PID1: variants seen among roughly 807,000 people sequenced by gnomAD.
PID1 encodes the protein phosphotyrosine interaction domain containing 1, also known as PTB-containing, cubilin and LRP1-interacting protein.
A neutral mutation model predicts 19.1 loss-of-function variants in PID1; 10 were observed. The observed-to-expected ratio is 0.52, with a 90% CI of 0.32 to 0.89. PID1 has a LOEUF of 0.89. Ranked by LOEUF, PID1 falls within the 40% of genes least tolerant of loss-of-function variation. The pLI is 0.03. For missense variants in PID1, 248 were observed against 285.3 expected, an observed-to-expected ratio of 0.87 and a Z score of 0.94; for synonymous variants, 130 against 116.0, an observed-to-expected ratio of 1.12 and a Z score of -0.78.
intron 1 of PID1, among the ~76,000 whole-genome samples, chr2:229,192,766 G>T (rs1691288226): frequency 6.6e-6 from 1 of 152,034 alleles, no homozygotes; most frequent in South Asian, 2.1e-4. Flanking sequence ...TGACACAATG[G>T]CGTTCAATAA....
chr2:229,060,175 ATTAT>A (rs945814588), intron 2 of PID1, among the ~76,000 whole-genome samples: 1 of 152,090 alleles, frequency 6.6e-6, no homozygotes, highest in Admixed American at 6.6e-5. Context: ...TACACAGTGT[ATTAT>A]TTATTATAGT....
chr2:229,052,394 T>C (rs142817112), intron 2 of PID1, among the ~76,000 whole-genome samples: 2,439 of 152,272 alleles, frequency 0.016, 64 homozygotes, highest in African/African-American at 0.056. Context: ...AATTAAATAT[T>C]CTGTTTTAAA....
At chr2:229,184,266 G>A (rs200506891) in intron 1 of PID1, among the ~76,000 whole-genome samples, 213 of 332 alleles carry the variant, frequency 0.64, 103 homozygotes, top group African/African-American at 0.79. Context: ...TATCCCATAT[G>A]TATATATCCC....
chr2:229,080,299 A>T (rs369719826), intron 2 of PID1, among the ~76,000 whole-genome samples: 1 of 152,300 alleles, frequency 6.6e-6, no homozygotes, highest in African/African-American at 2.4e-5. Context: ...CTACCTTTGT[A>T]GCCTCATTTT....
chr2:229,107,622 T>C (rs1036626262), intron 2 of PID1, among the ~76,000 whole-genome samples: 7 of 151,704 alleles, frequency 4.6e-5, no homozygotes, highest in Non-Finnish European at 1.0e-4. Flanking sequence ...CAGACAACAA[T>C]ATGAGTTTTA....
intron 1 of PID1, among the ~76,000 whole-genome samples, chr2:229,215,951 T>C (rs1222640960): frequency 6.6e-6 from 1 of 152,196 alleles, no homozygotes; most frequent in Non-Finnish European, 1.5e-5. Context: ...CAAAATCGTT[T>C]GTGAGACAGC....
intron 2 of PID1, among the ~76,000 whole-genome samples, chr2:229,119,701 G>A (rs1695479694): frequency 6.6e-6 from 1 of 152,226 alleles, no homozygotes; most frequent in South Asian, 2.1e-4. Flanking sequence ...AGTTGACTAA[G>A]CAGCAGGCTG....
Position 229,218,007 on chromosome 2 carries a change from A to T in PID1, c.30+53007T>A, listed in dbSNP as rs147242176. 4.4e-3 allele frequency among the ~76,000 whole-genome samples: 667 copies of T among 152,106 alleles called. 4 individuals carry two copies. Among genetic ancestry groups the T allele is most frequent in the African/African-American group, 0.016 (646 of 41,508 alleles). On this transcript the variant is annotated intron_variant, in intron 1 of 2. Coordinates refer to ENST00000392055, the MANE Select transcript of PID1 (RefSeq NM_001100818.2). ...CTGATGGGAATCCTCCCCAAGCCTAACTCCAGACAACTGAGTGTTTCCTCG... is the reference window on the plus strand; with the variant it reads ...CTGATGGGAATCCTCCCCAAGCCTATCTCCAGACAACTGAGTGTTTCCTCG...
At chr2:229,232,218 T>A in intron 1 of PID1, 1 of 1,112,948 alleles carries the variant, frequency 9.0e-7, no homozygotes, top group Non-Finnish European at 1.2e-6. Flanking sequence ...AGTCAGGAGA[T>A]CAAGACCATC....
At chr2:229,150,453 C>T (rs1376395954) in intron 2 of PID1, among the ~76,000 whole-genome samples, 2 of 152,062 alleles carry the variant, frequency 1.3e-5, no homozygotes, top group African/African-American at 4.8e-5. Context: ...CTCTCCCAAT[C>T]AAGGCAGACA....
At chr2:229,132,044 T>A (rs1374126736) in intron 2 of PID1, among the ~76,000 whole-genome samples, 1 of 152,172 alleles carries the variant, frequency 6.6e-6, no homozygotes, top group Non-Finnish European at 1.5e-5. Context: ...AATATTCACT[T>A]CTTTGTTTCC....
At chr2:229,169,689 G>A (rs2106208521) in intron 1 of PID1, among the ~76,000 whole-genome samples, 1 of 152,152 alleles carries the variant, frequency 6.6e-6, no homozygotes, top group Admixed American at 6.5e-5. Flanking sequence ...TGACTATCTG[G>A]TTGTGGTCAG....
At chr2:229,045,827 C>A (rs1027840592) in intron 2 of PID1, among the ~76,000 whole-genome samples, 1 of 152,238 alleles carries the variant, frequency 6.6e-6, no homozygotes, top group Non-Finnish European at 1.5e-5. Flanking sequence ...ACTCCCACAG[C>A]CTTCTCTGTC....
At chr2:229,116,696 A>G (rs1409024672) in intron 2 of PID1, among the ~76,000 whole-genome samples, 1 of 152,170 alleles carries the variant, frequency 6.6e-6, no homozygotes, top group Non-Finnish European at 1.5e-5. Context: ...AGGCCTCCCC[A>G]ACCATGCAGA....
rs746976329 is a variant in PID1, at chr2:229,025,832, T to C, written c.454A>G (p.Arg152Gly). ...VSPNIFAWVY[R>G]EINDDLSYQM... ...TAGGACAGGTCATCATTGATCTCCC[T>C]GTAGACCCAGGCGAAGATGTTGGGG... The change falls in exon 3 of 3, where the codon AGG (arginine) becomes GGG (glycine). Residue 152 changes from arginine to glycine, a missense_variant. By Grantham distance (125) the Arg-to-Gly change is moderately radical. Transcript: ENST00000392055. 6.2e-7 allele frequency: 1 copy of C among 1,614,176 alleles called. No homozygotes were observed. Among genetic ancestry groups the C allele is most frequent in the South Asian group, 1.1e-5 (1 of 91,092 alleles).
rs79216133 is a variant in PID1 at position 229,090,748 on chromosome 2, G to A, written c.178-64640C>T. On this transcript the variant is annotated intron_variant, in intron 2 of 2. Transcript: ENST00000392055. ...AGAAATGAGAGAAAAATACATGGAT[G>A]AGTCATCATCATTCATTCATTCACG... Among the ~76,000 whole-genome samples the A allele has an allele frequency of 4.7e-4, 72 of 152,338 alleles. 1 individual carries two copies. The East Asian group carries it at 9.1e-3, about 19-fold the overall frequency.
intron 1 of PID1, among the ~76,000 whole-genome samples, chr2:229,251,118 A>G (rs1690138860): frequency 6.6e-6 from 1 of 152,162 alleles, no homozygotes; most frequent in Non-Finnish European, 1.5e-5. Context: ...TACATCCAAA[A>G]TGTTGCCGAC....
chr2:229,040,245 C>A (rs891112714), intron 2 of PID1, among the ~76,000 whole-genome samples: 3 of 151,722 alleles, frequency 2.0e-5, no homozygotes, highest in African/African-American at 7.3e-5. Flanking sequence ...ATGGTGAAAG[C>A]CCATCTCTAC....
At chr2:229,148,676 AAAG>A (rs1690185432) in intron 2 of PID1, among the ~76,000 whole-genome samples, 1 of 152,020 alleles carries the variant, frequency 6.6e-6, no homozygotes, top group African/African-American at 2.4e-5. Context: ...GAAAAGTAGA[AAAG>A]AAGGAGGAAG....
Sources: gnomAD v4.1 joint callset for allele counts (sites outside exome capture counted in the v4.1 genomes callset) on GRCh38, gnomAD v4.1.1 for gene constraint, MANE v1.5 for transcripts, NCBI Gene and HGNC (gene_info 2026-07-23, HGNC 2026-07-21) for gene names.